Variants in NRXN3 observed in about 807,000 individuals in gnomAD.
NRXN3 encodes the protein neurexin III.
A neutral mutation model predicts 137.6 loss-of-function variants in NRXN3; 32 were observed. The ratio of observed to expected loss-of-function variants is 0.23; its 90% confidence interval spans 0.18 to 0.31. The LOEUF is 0.31. Ranked by LOEUF, NRXN3 falls within the 10% of genes least tolerant of loss-of-function variation. The pLI, the probability that NRXN3 is intolerant of heterozygous loss-of-function variation, is 1.00. For missense variants in NRXN3, 1,574 were observed against 2,062.5 expected (o/e 0.76, Z 4.59); for synonymous variants, 798 against 784.5 (o/e 1.02, Z -0.29).
At chr14:79,530,972 A>G (rs1287500925) in intron 16 of NRXN3, among the ~76,000 whole-genome samples, 1 of 152,206 alleles carries the variant, frequency 6.6e-6, no homozygotes, top group Non-Finnish European at 1.5e-5. Flanking sequence ...AAATGTCTTC[A>G]TTAATGTTTT....
Position 78,805,854 on chromosome 14 carries a change from G to C in NRXN3, c.2248+2031G>C, listed in dbSNP as rs141782602. Among the ~76,000 whole-genome samples, 475 of 152,106 alleles carry C rather than the reference G, an allele frequency of 3.1e-3. 2 individuals carry two copies. Among genetic ancestry groups the C allele is most frequent in the African/African-American group, 0.011 (453 of 41,476 alleles). On this transcript the variant is annotated intron_variant, in intron 9 of 20. Coordinates refer to ENST00000335750, the MANE Select transcript of NRXN3 (RefSeq NM_001330195.2). ...CTCACATCTTAGAAGGAAAAACTGGGGTCAGTGGGGGTACAAATAAAAGCG... is the reference window on the plus strand; with the variant it reads ...CTCACATCTTAGAAGGAAAAACTGGCGTCAGTGGGGGTACAAATAAAAGCG...
intron 4 of NRXN3, among the ~76,000 whole-genome samples, chr14:78,318,984 T>C (rs565390262): frequency 1.3e-5 from 2 of 152,322 alleles, no homozygotes; most frequent in African/African-American, 4.8e-5. Flanking sequence ...AGCCTAAGAT[T>C]CTGCATTTTT....
intron 16 of NRXN3, among the ~76,000 whole-genome samples, chr14:79,472,229 G>A (rs901906749): frequency 2.6e-5 from 4 of 152,052 alleles, no homozygotes; most frequent in African/African-American, 9.7e-5. Flanking sequence ...TGCTCAGATT[G>A]TCTTTCATTC....
rs79004895 is a variant in NRXN3 at position 79,044,596 on chromosome 14, C to T, written c.3262+56455C>T. ...ATAATTACTACTGTTGATGATAATA[C>T]TTTTGAAAACATAGTTGACTTGTTA... is the stretch of plus-strand genomic sequence containing the variant. On this transcript the variant is annotated intron_variant, in intron 15 of 20. Transcript: ENST00000335750. Among the ~76,000 whole-genome samples, 1,200 of 152,208 alleles carry T rather than the reference C, an allele frequency of 7.9e-3. 12 individuals are homozygous for T. The highest frequency in any genetic ancestry group is 0.028 in the African/African-American group (1,166 of 41,522).
intron 15 of NRXN3, among the ~76,000 whole-genome samples, chr14:79,130,026 G>T (rs1304054709): frequency 2.0e-5 from 3 of 151,884 alleles, no homozygotes; most frequent in African/African-American, 7.2e-5. Context: ...TTTTCCATTT[G>T]CTTGGTAGAT....
chr14:78,645,539 T>C (rs1034425146), intron 5 of NRXN3, 118 bp downstream of exon 5: 46 of 805,734 alleles, frequency 5.7e-5, no homozygotes, highest in Middle Eastern at 3.4e-4. Flanking sequence ...GATGGAGATG[T>C]TAACGTCTAA....
intron 15 of NRXN3, among the ~76,000 whole-genome samples, chr14:79,007,648 TAAAG>T (rs1477142524): frequency 6.6e-6 from 1 of 150,598 alleles, no homozygotes; most frequent in Non-Finnish European, 1.5e-5. Flanking sequence ...TACTAAAAAA[TAAAG>T]AAAATTAGCC....
At chr14:79,682,087 A>G (rs1256441372) in intron 17 of NRXN3, among the ~76,000 whole-genome samples, 1 of 151,968 alleles carries the variant, frequency 6.6e-6, no homozygotes, top group Non-Finnish European at 1.5e-5. Context: ...CAAATATTTT[A>G]TTTTCCTTTG....
intron 1 of NRXN3, among the ~76,000 whole-genome samples, chr14:78,211,693 C>T (rs891258938): frequency 6.6e-6 from 1 of 152,246 alleles, no homozygotes; most frequent in Non-Finnish European, 1.5e-5. Flanking sequence ...ATTCTAACGT[C>T]TGCCTCTTTC....
intron 8 of NRXN3, among the ~76,000 whole-genome samples, chr14:78,767,599 T>G (rs574963352): frequency 6.6e-6 from 1 of 152,336 alleles, no homozygotes; most frequent in South Asian, 2.1e-4. Flanking sequence ...TAGATTCCTC[T>G]TTCCAAAGAA....
chr14:78,346,553 A>G (rs2082758922), intron 4 of NRXN3, among the ~76,000 whole-genome samples: 1 of 152,194 alleles, frequency 6.6e-6, no homozygotes, highest in Non-Finnish European at 1.5e-5. Flanking sequence ...GGATCAGGGA[A>G]GTTAAATGGC....
intron 10 of NRXN3, among the ~76,000 whole-genome samples, chr14:78,855,596 T>TA: frequency 1.3e-5 from 2 of 152,256 alleles, no homozygotes; most frequent in South Asian, 4.2e-4. Flanking sequence ...GGAATGATTT[T>TA]AGCACAAAAA....
At chr14:79,653,061 A>G (rs767407039) in intron 16 of NRXN3, among the ~76,000 whole-genome samples, 1 of 152,006 alleles carries the variant, frequency 6.6e-6, no homozygotes, top group Non-Finnish European at 1.5e-5. Flanking sequence ...CACACACACC[A>G]GAGTCCCCAC....
At chr14:79,718,532 G>A (rs1364267337) in intron 19 of NRXN3, among the ~76,000 whole-genome samples, 3 of 152,134 alleles carry the variant, frequency 2.0e-5, no homozygotes, top group Non-Finnish European at 4.4e-5. Flanking sequence ...CAAGAGAGGA[G>A]GCAGAGAGAC....
intron 15 of NRXN3, chr14:79,279,560 C>G: frequency 1.0e-6 from 1 of 986,220 alleles, no homozygotes. Flanking sequence ...TCCTCCTCCT[C>G]TCCTCTTTCC....
intron 15 of NRXN3, among the ~76,000 whole-genome samples, chr14:79,030,025 CT>C (rs112006208): frequency 0.049 from 6,777 of 138,734 alleles, 480 homozygotes; most frequent in African/African-American, 0.16. Flanking sequence ...TTTTTTTCTT[CT>C]TTTTTTTTTT....
intron 15 of NRXN3, among the ~76,000 whole-genome samples, chr14:79,226,483 C>T (rs981539940): frequency 5.9e-5 from 9 of 152,102 alleles, no homozygotes; most frequent in African/African-American, 1.9e-4. Flanking sequence ...TCTTGTTTCT[C>T]TTCTATTTGT....
intron 8 of NRXN3, among the ~76,000 whole-genome samples, chr14:78,755,227 A>G (rs1259651937): frequency 7.3e-6 from 1 of 137,380 alleles, no homozygotes; most frequent in East Asian, 2.1e-4. Flanking sequence ...GGGTCTTGCT[A>G]TGTCGCCCAG....
chr14:78,550,322 T>C (rs1317269854), intron 4 of NRXN3, among the ~76,000 whole-genome samples: 1 of 152,174 alleles, frequency 6.6e-6, no homozygotes, highest in African/African-American at 2.4e-5. Context: ...CAAGCCACTA[T>C]GCCTGGCTGG....
Sources: gnomAD v4.1 joint callset for allele counts (sites outside exome capture counted in the v4.1 genomes callset) on GRCh38, gnomAD v4.1.1 for gene constraint, MANE v1.5 for transcripts, NCBI Gene and HGNC (gene_info 2026-07-23, HGNC 2026-07-21) for gene names.